Variants in FLT3LG observed in about 807,000 individuals in gnomAD.
The protein encoded by FLT3LG is fms-related tyrosine kinase 3 ligand.
Under a neutral mutation model 30.9 loss-of-function variants are expected in FLT3LG, and 8 were observed. The observed-to-expected ratio is 0.26, with a 90% CI of 0.15 to 0.47. FLT3LG has a LOEUF of 0.47. FLT3LG is among the 20% of genes least tolerant of loss of function. The probability of loss-of-function intolerance (pLI) is 0.99; values close to 1 mark genes in which losing one functional copy is unlikely to be tolerated. For synonymous variants in FLT3LG, 123 were observed against 135.9 expected, an observed-to-expected ratio of 0.91 and a Z score of 0.66; for missense variants, 278 against 306.2, an observed-to-expected ratio of 0.91 and a Z score of 0.69.
At position 49,476,559 on chromosome 19, in the gene FLT3LG, C is replaced by T; in HGVS notation, c.335C>T (p.Ala112Val). 6.2e-7 allele frequency: 1 copy of T among 1,614,092 alleles called. No homozygotes were observed. The highest frequency in any genetic ancestry group is 8.5e-7 in the Non-Finnish European group (1 of 1,180,004). The change falls in exon 5 of 9, where the codon GCC becomes GTC. Residue 112 changes from alanine (A) to valine (V), a missense_variant. Transcript: ENST00000597551. The surrounding 1 kb of genome is among the most constrained non-coding windows in gnomAD (Gnocchi z 5.3). The stretch of plus-strand genomic sequence containing the variant: ...GAGATACACTTTGTCACCAAATGTG[C>T]CTTTCAGGTCAGCCCTCAACTTAGG... ...NTEIHFVTKC[A>V]FQPPPSCLRF... is the part of the protein sequence containing the mutation.
chr19:49,484,288 A>ATTTTTTTT (rs745909519), intron 8 of FLT3LG, among the ~76,000 whole-genome samples: 4 of 98,348 alleles, frequency 4.1e-5, no homozygotes, highest in Non-Finnish European at 5.9e-5. Context: ...TTTTATTATA[A>ATTTTTTTT]TTTTTTTTTT....
intron 8 of FLT3LG, 194 bp from the exon 9 acceptor site, chr19:49,485,821 T>G (rs1162571518): frequency 2.0e-5 from 3 of 152,134 alleles, no homozygotes; most frequent in African/African-American, 7.2e-5. Flanking sequence ...CCCGGGGAAA[T>G]ATAGGGAACA....
Position 49,476,949 on chromosome 19 carries a change from C to A in FLT3LG, c.342+383C>A, listed in dbSNP as rs1009462626. Reference sequence around the variant, plus strand: ...ATCACTTGAGGTCAGGAGTTTGAGACCAGCCTGGCCAACATGATGAAATCC... The same window carrying A: ...ATCACTTGAGGTCAGGAGTTTGAGAACAGCCTGGCCAACATGATGAAATCC... On this transcript the variant is annotated intron_variant, in intron 5 of 8. Coordinates refer to ENST00000597551, the MANE Select transcript of FLT3LG (RefSeq NM_001459.4). The surrounding 1 kb of genome is among the most constrained non-coding windows in gnomAD (Gnocchi z 5.3). Among the ~76,000 whole-genome samples, 1 of 151,824 alleles carries A rather than the reference C, an allele frequency of 6.6e-6. No individual in the cohort carries two copies. The highest frequency in any genetic ancestry group is 2.4e-5 in the African/African-American group (1 of 41,282).
chr19:49,481,426 C>A (rs2079606967), intron 8 of FLT3LG: 1 of 152,516 alleles, frequency 6.6e-6, no homozygotes, highest in African/African-American at 2.4e-5. Context: ...AGGGAACTGC[C>A]TTTGGAAGCC....
At position 49,474,659 on chromosome 19, in the gene FLT3LG, C is replaced by G. The variant is rs772951923; in HGVS notation, c.20C>G (p.Ala7Gly). MTVLAP[A>G]WSPTTYLLLL... The stretch of plus-strand genomic sequence containing the variant: ...GCCGAAATGACAGTGCTGGCGCCAG[C>G]CTGGAGCCCAACAGTGCGTAAACCC... Residue 7 changes from alanine to glycine, a missense_variant, in exon 2 of 9, where the codon GCC (alanine) becomes GGC (glycine). Transcript: ENST00000597551. 10 of 1,612,304 alleles carry G rather than the reference C, an allele frequency of 6.2e-6. No homozygotes were observed. Among genetic ancestry groups the G allele is most frequent in the Non-Finnish European group, 8.5e-6 (10 of 1,179,670 alleles).
rs1409452053 is a variant in FLT3LG, at chr19:49,480,279, G to A, written c.482-19G>A. The A allele has an allele frequency of 6.4e-7, 1 of 1,550,510 alleles. No individual in the cohort carries two copies. Among genetic ancestry groups the A allele is most frequent in the East Asian group, 2.3e-5 (1 of 44,082 alleles). On this transcript the variant is annotated intron_variant, in intron 6 of 8. Transcript: ENST00000597551. The stretch of plus-strand genomic sequence containing the variant: ...CCCAGCCCTTCTCCTTGGTCACCCA[G>A]CCTCCTCTTTCTCCCCAGACTCCTC...
rs1460641158 is a variant in FLT3LG at position 49,474,301 on chromosome 19, C to A, written c.-38+20C>A. The stretch of plus-strand genomic sequence containing the variant: ...AGCCTGGTGCGTGAGGAGACTTGGA[C>A]TCTAGGTCCCCAAGGGGCGGAGCCA... On this transcript the variant is annotated intron_variant, in intron 1 of 8. Transcript: ENST00000597551. 2 of 494,890 alleles carry A rather than the reference C, an allele frequency of 4.0e-6. No homozygotes were observed. Among genetic ancestry groups the A allele is most frequent in the East Asian group, 7.2e-5 (2 of 27,752 alleles). 30.7% of individuals were successfully genotyped at this position (494,890 alleles called of 1,614,324 possible). A position where few individuals can be genotyped will look rare whatever the true frequency, so the allele number is the denominator to read the frequency against.
At chr19:49,481,700 AT>A (rs1297742202) in intron 8 of FLT3LG, 4 of 151,018 alleles carry the variant, frequency 2.6e-5, no homozygotes, top group African/African-American at 4.9e-5. Flanking sequence ...TGCTTGCTTT[AT>A]TTTTTTTTGA....
intron 8 of FLT3LG, among the ~76,000 whole-genome samples, chr19:49,484,470 A>G (rs1202099796): frequency 2.0e-5 from 3 of 151,146 alleles, no homozygotes; most frequent in Non-Finnish European, 4.4e-5. Context: ...AATTTAGTGT[A>G]TTTTTAGTAG....
chr19:49,475,525 G>A, intron 2 of FLT3LG, 166 bp from the exon 3 acceptor site: 6 of 912,464 alleles, frequency 6.6e-6, no homozygotes, highest in Non-Finnish European at 9.6e-6. Context: ...GAGAAACCGG[G>A]AAAGACAGGC....
chr19:49,478,159 TATAAATAAATAA>T (rs60871456), intron 5 of FLT3LG, among the ~76,000 whole-genome samples: 1 of 140,308 alleles, frequency 7.1e-6, no homozygotes. Flanking sequence ...TACTAAAAAA[TATAAATAAATAA>T]ATAAATAAAT....
At chr19:49,477,422 C>T (rs766449979) in intron 5 of FLT3LG, among the ~76,000 whole-genome samples, 1 of 151,818 alleles carries the variant, frequency 6.6e-6, no homozygotes, top group Non-Finnish European at 1.5e-5. Flanking sequence ...CCAGCTTGAG[C>T]GACAGAGCAA....
chr19:49,479,077 C>T (rs1340309211), intron 6 of FLT3LG, 30 bp downstream of exon 6: 4 of 1,586,606 alleles, frequency 2.5e-6, no homozygotes, highest in African/African-American at 1.4e-5. Flanking sequence ...CCCACTCCTT[C>T]CCCTCCTGTC....
In FLT3LG at chr19:49,476,622, AG is replaced by A. The variant is rs1219680567; in HGVS notation, c.342+57del. 6.2e-7 allele frequency: 1 copy of A among 1,610,130 alleles called. No homozygotes were observed. Among genetic ancestry groups the A allele is most frequent in the East Asian group, 2.2e-5 (1 of 44,846 alleles). On this transcript the variant is annotated intron_variant, in intron 5 of 8. Coordinates refer to ENST00000597551, the MANE Select transcript of FLT3LG (RefSeq NM_001459.4). The surrounding 1 kb of genome is among the most constrained non-coding windows in gnomAD (Gnocchi z 5.3). ...GGAGGGAGATGCCTTCCTACGAATT[AG>A]AAGTAAAGCTCCACTAGGCCTTATT...
chr19:49,475,189 C>A (rs1190837542), intron 2 of FLT3LG, among the ~76,000 whole-genome samples: 1 of 75,202 alleles, frequency 1.3e-5, no homozygotes, highest in African/African-American at 5.8e-5. Flanking sequence ...AGGAGGGAGA[C>A]GGACAGAGGA....
intron 8 of FLT3LG, among the ~76,000 whole-genome samples, chr19:49,484,029 C>T (rs11878591): frequency 0.095 from 14,326 of 150,994 alleles, 1,118 homozygotes; most frequent in African/African-American, 0.22. Flanking sequence ...GGACTACAGG[C>T]GCGTGCCACC....
chr19:49,474,953 A>G (rs1601065344), intron 2 of FLT3LG, among the ~76,000 whole-genome samples: 2 of 105,362 alleles, frequency 1.9e-5, no homozygotes, highest in African/African-American at 5.0e-5. Context: ...GAGGAGGGGG[A>G]GATGGACAGA....
At chr19:49,474,377 C>G in intron 1 of FLT3LG, 96 bp downstream of exon 1, 1 of 577,458 alleles carries the variant, frequency 1.7e-6, no homozygotes, top group South Asian at 2.1e-5. Context: ...GCTGGGTTCC[C>G]GGGTCCCTAA....
intron 8 of FLT3LG, among the ~76,000 whole-genome samples, chr19:49,484,397 C>T (rs534705379): frequency 3.9e-4 from 57 of 145,884 alleles, no homozygotes; most frequent in African/African-American, 1.2e-3. Flanking sequence ...CAGGTTCAAG[C>T]GATTCTCCTG....
Sources: gnomAD v4.1 joint callset for allele counts (sites outside exome capture counted in the v4.1 genomes callset) on GRCh38, gnomAD v4.1.1 for gene constraint, Gnocchi (gnomAD v3.1) non-coding constraint, MANE v1.5 for transcripts, NCBI Gene and HGNC (gene_info 2026-07-23, HGNC 2026-07-21) for gene names.